CRTAC1: variants seen among roughly 807,000 people sequenced by gnomAD.
CRTAC1 encodes cartilage acidic protein 1, also known as acidic secreted protein in cartilage.
A neutral mutation model predicts 67.8 loss-of-function variants in CRTAC1; 37 were observed. The observed-to-expected ratio is 0.55, with a 90% confidence interval of 0.42 to 0.72. The LOEUF (loss-of-function observed/expected upper bound fraction) is 0.72, where lower values mean the gene tolerates loss of function less well. CRTAC1 is among the 30% of genes least tolerant of loss of function. The probability of loss-of-function intolerance (pLI) is 0.00; values close to 1 mark genes in which losing one functional copy is unlikely to be tolerated. For missense variants in CRTAC1, 780 were observed against 931.6 expected (o/e 0.84, Z 2.12); for synonymous variants, 348 against 371.0 (o/e 0.94, Z 0.71).
chr10:97,919,224 A>T (rs1369013355), intron 4 of CRTAC1, among the ~76,000 whole-genome samples: 1 of 152,222 alleles, frequency 6.6e-6, no homozygotes, highest in Non-Finnish European at 1.5e-5. Context: ...CAGATGTATC[A>T]ACAATGATAC....
At chr10:97,952,921 T>C in intron 2 of CRTAC1, among the ~76,000 whole-genome samples, 1 of 152,186 alleles carries the variant, frequency 6.6e-6, no homozygotes, top group South Asian at 2.1e-4. Flanking sequence ...TGTGAATATA[T>C]GTCCTCCCTG....
In CRTAC1 at chr10:97,882,778, C is replaced by A. The variant is rs374785595; in HGVS notation, c.1675+8G>T. ...TACCCCATGCCCTGGTGACTGAAGG[C>A]AACTCACCCATGCAATGGCCATTTT... On this transcript the variant is annotated splice_region_variant and intron_variant, in intron 13 of 14. Transcript: ENST00000370597. 9.9e-6 allele frequency: 16 copies of A among 1,613,954 alleles called. No homozygotes were observed. In the African/African-American group the frequency reaches 1.7e-4, roughly 17 times the overall value.
At chr10:98,023,422 A>G (rs1209819597) in intron 1 of CRTAC1, among the ~76,000 whole-genome samples, 5 of 152,206 alleles carry the variant, frequency 3.3e-5, no homozygotes, top group Non-Finnish European at 7.3e-5. Context: ...CTGAGCACCT[A>G]CTGAGCCCCT....
Position 97,865,706 on chromosome 10 carries a change from C to A in CRTAC1, c.1828G>T (p.Gly610Cys). ...EDGTACVGTL[G>C]QSPGPRPTTP... ...GTGGGGCGGGGGCCCGGTGACTGGC[C>A]GAGAGTCCCTGTAGGGAGGTGTATG... The change falls in exon 15 of 15, where the codon GGC becomes TGC. Residue 610 changes from glycine to cysteine, a missense_variant. Gly to Cys is a radical substitution (Grantham distance 159). Coordinates refer to ENST00000370597, the MANE Select transcript of CRTAC1 (RefSeq NM_018058.7). 1 of 1,602,404 alleles carries A rather than the reference C, an allele frequency of 6.2e-7. No homozygotes were observed. The highest frequency in any genetic ancestry group is 8.5e-7 in the Non-Finnish European group (1 of 1,174,800).
chr10:97,917,723 C>T, intron 4 of CRTAC1, 67 bp from the exon 5 acceptor site: 1 of 1,322,620 alleles, frequency 7.6e-7, no homozygotes, highest in Non-Finnish European at 1.0e-6. Flanking sequence ...CGCCCCCTCC[C>T]CACCCCAGGT....
At chr10:97,931,144 G>A (rs2050997719) in intron 3 of CRTAC1, among the ~76,000 whole-genome samples, 1 of 37,676 alleles carries the variant, frequency 2.7e-5, no homozygotes, top group African/African-American at 4.5e-5. Context: ...ACTGCACTTA[G>A]ATATAATTTT....
At chr10:97,903,725 T>C (rs948780038) in intron 7 of CRTAC1, among the ~76,000 whole-genome samples, 1 of 152,118 alleles carries the variant, frequency 6.6e-6, no homozygotes, top group East Asian at 1.9e-4. Flanking sequence ...AACCAGCCCA[T>C]GCCCTCTGTT....
intron 1 of CRTAC1, among the ~76,000 whole-genome samples, chr10:98,026,062 C>G (rs116104960): frequency 6.6e-6 from 1 of 152,178 alleles, no homozygotes; most frequent in African/African-American, 2.4e-5. Flanking sequence ...AAAGAAGACT[C>G]GGGGGTTCCC....
chr10:98,005,100 AT>A lies in CRTAC1; in HGVS notation c.224+6037del, dbSNP rs10683960. ...GTAATACATATATATATATATATAT[AT>A]TTTTTTTTTTTTTTTTTTTTGAGAT... is the stretch of plus-strand genomic sequence containing the variant. On this transcript the variant is annotated intron_variant, in intron 2 of 14. Transcript: ENST00000370597. Among the ~76,000 whole-genome samples the A allele has an allele frequency of 1.4e-3, 66 of 48,864 alleles. 1 individual carries two copies. The highest frequency in any genetic ancestry group is 5.9e-3 in the East Asian group (13 of 2,204). 32.1% of individuals were successfully genotyped at this position (48,864 alleles called of 152,430 possible). A position where few individuals can be genotyped will look rare whatever the true frequency, so the allele number is the denominator to read the frequency against.
intron 2 of CRTAC1, among the ~76,000 whole-genome samples, chr10:97,962,051 A>C (rs538497781): frequency 5.9e-5 from 9 of 152,334 alleles, no homozygotes; most frequent in African/African-American, 2.2e-4. Context: ...GCCGTGGAAC[A>C]TCACTGTGCT....
In CRTAC1 at chr10:97,885,900, T is replaced by C. The variant is rs530062308; in HGVS notation, c.1487-1549A>G. On this transcript the variant is annotated intron_variant, in intron 11 of 14. Transcript: ENST00000370597. ...CATTATTTTTCCTAATATATGTAGA[T>C]ACTGTTAGAAAACAAATTAAACTTA... Among the ~76,000 whole-genome samples the C allele has an allele frequency of 5.2e-5, 8 of 152,382 alleles. No homozygotes were observed. The East Asian group carries it at 1.5e-3, about 29-fold the overall frequency.
chr10:97,950,968 A>G (rs943119395), intron 2 of CRTAC1, among the ~76,000 whole-genome samples: 1 of 152,202 alleles, frequency 6.6e-6, no homozygotes, highest in South Asian at 2.1e-4. Flanking sequence ...GCAACTGAGA[A>G]GCTAGCTTGG....
intron 2 of CRTAC1, among the ~76,000 whole-genome samples, chr10:97,955,628 T>C (rs945722852): frequency 1.3e-5 from 2 of 152,178 alleles, no homozygotes; most frequent in Non-Finnish European, 2.9e-5. Context: ...TTATATTCAA[T>C]CTGGGATGTC....
At chr10:98,008,407 G>T (rs1842837262) in intron 2 of CRTAC1, among the ~76,000 whole-genome samples, 1 of 128,276 alleles carries the variant, frequency 7.8e-6, no homozygotes, top group Non-Finnish European at 1.6e-5. Flanking sequence ...TGGGAAAAGA[G>T]TACAAAAGAG....
intron 1 of CRTAC1, among the ~76,000 whole-genome samples, chr10:98,017,346 C>A (rs745530619): frequency 6.6e-6 from 1 of 152,104 alleles, no homozygotes; most frequent in Non-Finnish European, 1.5e-5. Flanking sequence ...GGTAAAGCAG[C>A]CCAGACAAGG....
intron 2 of CRTAC1, among the ~76,000 whole-genome samples, chr10:97,969,641 C>T (rs189973649): frequency 7.9e-5 from 12 of 152,274 alleles, no homozygotes; most frequent in African/African-American, 2.2e-4. Flanking sequence ...AATCCCTCCA[C>T]GCTCAGGAGT....
intron 5 of CRTAC1, among the ~76,000 whole-genome samples, chr10:97,915,994 C>T (rs1424828741): frequency 2.0e-5 from 3 of 152,088 alleles, no homozygotes. Context: ...TGGGTCTCCT[C>T]CTTCCCGCTC....
chr10:98,021,681 T>C (rs1261701305), intron 1 of CRTAC1, among the ~76,000 whole-genome samples: 2 of 152,186 alleles, frequency 1.3e-5, no homozygotes, highest in Non-Finnish European at 1.5e-5. Flanking sequence ...ATCACACCAT[T>C]ACTACTAGTA....
chr10:97,874,263 T>C (rs1326421597), intron 14 of CRTAC1, among the ~76,000 whole-genome samples: 2 of 152,178 alleles, frequency 1.3e-5, no homozygotes, highest in African/African-American at 4.8e-5. Context: ...GATTTAAAGC[T>C]CTAGGATTCT....
Sources: gnomAD v4.1 joint callset for allele counts (sites outside exome capture counted in the v4.1 genomes callset) on GRCh38, gnomAD v4.1.1 for gene constraint, MANE v1.5 for transcripts, NCBI Gene and HGNC (gene_info 2026-07-23, HGNC 2026-07-21) for gene names.